Variants in TASP1 observed in about 807,000 individuals in gnomAD.
The protein encoded by TASP1 is threonine aspartase 1.
Under a neutral mutation model 56.6 loss-of-function variants are expected in TASP1, and 16 were observed. That is an observed-to-expected ratio of 0.28 (90% confidence interval 0.19 to 0.43). The LOEUF (loss-of-function observed/expected upper bound fraction) is 0.43. Ranked by LOEUF, TASP1 falls within the 20% of genes least tolerant of loss-of-function variation. The pLI, the probability that TASP1 is intolerant of heterozygous loss-of-function variation, is 1.00. For synonymous variants in TASP1, 179 were observed against 184.2 expected (o/e 0.97, Z 0.23); for missense variants, 393 against 511.6 (o/e 0.77, Z 2.24).
chr20:13,251,861 G>A, the TASP1 span, among the ~76,000 whole-genome samples: 1 of 152,220 alleles, frequency 6.6e-6, no homozygotes, highest in South Asian at 2.1e-4. Flanking sequence ...CTTAGTAACT[G>A]AATACCCAGG....
the TASP1 span, among the ~76,000 whole-genome samples, chr20:13,155,555 G>T: frequency 1.3e-5 from 2 of 151,996 alleles, no homozygotes; most frequent in Non-Finnish European, 2.9e-5. Flanking sequence ...GGCTGGGCGC[G>T]GTGGCTCATG....
chr20:13,179,708 C>T, the TASP1 span, among the ~76,000 whole-genome samples: 2 of 152,118 alleles, frequency 1.3e-5, no homozygotes, highest in South Asian at 2.1e-4. Context: ...ATGGAGTGCC[C>T]GTCACACAGG....
At chr20:13,302,519 C>G in the TASP1 span, among the ~76,000 whole-genome samples, 2 of 152,184 alleles carry the variant, frequency 1.3e-5, no homozygotes. Flanking sequence ...AAGCTGGTGC[C>G]AGGGCAACCC....
At chr20:13,411,588 T>C (rs1696415665) in intron 13 of TASP1, among the ~76,000 whole-genome samples, 1 of 152,176 alleles carries the variant, frequency 6.6e-6, no homozygotes, top group Non-Finnish European at 1.5e-5. Context: ...CAGTTCATCA[T>C]TGGTGTATAA....
At chr20:13,324,567 C>T in the TASP1 span, among the ~76,000 whole-genome samples, 1 of 152,194 alleles carries the variant, frequency 6.6e-6, no homozygotes, top group Non-Finnish European at 1.5e-5. Flanking sequence ...TTTCAGTTGG[C>T]TTTAATTATG....
intron 12 of TASP1, among the ~76,000 whole-genome samples, chr20:13,432,648 A>C (rs2042853818): frequency 6.6e-6 from 1 of 152,200 alleles, no homozygotes; most frequent in Non-Finnish European, 1.5e-5. Context: ...GGTTTCACTT[A>C]TTTCATAAAC....
At chr20:13,175,989 G>A in the TASP1 span, among the ~76,000 whole-genome samples, 1 of 152,132 alleles carries the variant, frequency 6.6e-6, no homozygotes, top group East Asian at 1.9e-4. Context: ...AGACTGGTTT[G>A]GAAAACAGAA....
chr20:13,633,233 T>C (rs2049163997), intron 1 of TASP1, among the ~76,000 whole-genome samples: 1 of 152,098 alleles, frequency 6.6e-6, no homozygotes, highest in Non-Finnish European at 1.5e-5. Context: ...AATAACTAAT[T>C]TTTTAAGGTA....
At chr20:13,536,383 T>C (rs767886769) in intron 8 of TASP1, among the ~76,000 whole-genome samples, 12 of 152,214 alleles carry the variant, frequency 7.9e-5, no homozygotes, top group Non-Finnish European at 1.6e-4. Context: ...GTATAAAAGA[T>C]TTAAGTTCTA....
At chr20:13,411,805 T>C (rs1000730767) in intron 13 of TASP1, among the ~76,000 whole-genome samples, 3 of 152,250 alleles carry the variant, frequency 2.0e-5, no homozygotes, top group African/African-American at 7.2e-5. Flanking sequence ...TTTTGCTCTT[T>C]GTAACCTCCT....
At chr20:13,315,425 T>G in the TASP1 span, among the ~76,000 whole-genome samples, 2 of 151,976 alleles carry the variant, frequency 1.3e-5, no homozygotes, top group African/African-American at 4.8e-5. Flanking sequence ...CCAAGGAAAG[T>G]TATCAGGGAT....
intron 4 of TASP1, among the ~76,000 whole-genome samples, chr20:13,589,659 AG>A (rs963442254): frequency 6.6e-6 from 1 of 152,172 alleles, no homozygotes; most frequent in Non-Finnish European, 1.5e-5. Context: ...TAAAGAAAAT[AG>A]GGGGAAAAAA....
chr20:13,627,472 CT>C (rs1396762929), intron 2 of TASP1, among the ~76,000 whole-genome samples: 1 of 152,198 alleles, frequency 6.6e-6, no homozygotes, highest in African/African-American at 2.4e-5. Flanking sequence ...GTTGAACCAG[CT>C]GGGCACGGTG....
chr20:13,297,498 AC>A, the TASP1 span, among the ~76,000 whole-genome samples: 3 of 152,190 alleles, frequency 2.0e-5, no homozygotes, highest in Non-Finnish European at 4.4e-5. Context: ...GTCTGGGGTA[AC>A]CCAAACTAAG....
At chr20:13,386,245 T>G (rs1408304334), downstream of TASP1, among the ~76,000 whole-genome samples, 1 of 152,196 alleles carries the variant, frequency 6.6e-6, no homozygotes, top group African/African-American at 2.4e-5. Context: ...GTGATATTAT[T>G]AAATGAAAAC....
chr20:13,441,110 T>C (rs1180546747), intron 11 of TASP1, among the ~76,000 whole-genome samples: 1 of 152,112 alleles, frequency 6.6e-6, no homozygotes, highest in Non-Finnish European at 1.5e-5. Flanking sequence ...TCAAATCTGT[T>C]AGTTCTCCCT....
chr20:13,502,983 A>G (rs1175793650), intron 10 of TASP1, among the ~76,000 whole-genome samples: 1 of 152,106 alleles, frequency 6.6e-6, no homozygotes, highest in Non-Finnish European at 1.5e-5. Flanking sequence ...TTCTCTCACA[A>G]TGGAAAGTGA....
At chr20:13,219,007 T>C in the TASP1 span, among the ~76,000 whole-genome samples, 1 of 152,244 alleles carries the variant, frequency 6.6e-6, no homozygotes, top group Non-Finnish European at 1.5e-5. Context: ...TTTACATTCA[T>C]TGCAAAGGTT....
the TASP1 span, among the ~76,000 whole-genome samples, chr20:13,118,611 CTCAGACAAACCTACACCTG>C: frequency 6.6e-6 from 1 of 152,188 alleles, no homozygotes; most frequent in African/African-American, 2.4e-5. Flanking sequence ...TGACACCTAT[CTCAGACAAACCTACACCTG>C]TCCCAAAGAG....
Sources: gnomAD v4.1 joint callset for allele counts (sites outside exome capture counted in the v4.1 genomes callset) on GRCh38, gnomAD v4.1.1 for gene constraint, MANE v1.5 for transcripts, NCBI Gene and HGNC (gene_info 2026-07-23, HGNC 2026-07-21) for gene names.